MCF2L2: variants seen among roughly 807,000 people sequenced by gnomAD.
MCF2L2 encodes the protein probable guanine nucleotide exchange factor MCF2L2.
MCF2L2 carries 102 observed loss-of-function variants against 150.2 expected under a neutral mutation model. The ratio of observed to expected loss-of-function variants is 0.68; its 90% CI spans 0.58 to 0.80. The LOEUF is 0.80. Ranked by LOEUF, MCF2L2 falls within the 30% of genes least tolerant of loss-of-function variation. The pLI, the probability that MCF2L2 is intolerant of heterozygous loss-of-function variation, is 0.00. For missense variants in MCF2L2, 1,256 were observed against 1,372.8 expected (o/e 0.91, Z 1.34); for synonymous variants, 465 against 491.3 (o/e 0.95, Z 0.71).
intron 1 of MCF2L2, among the ~76,000 whole-genome samples, chr3:183,426,609 C>T (rs563836638): frequency 9.2e-5 from 14 of 152,376 alleles, no homozygotes; most frequent in Admixed American, 9.1e-4. Context: ...ACTGCTCTTT[C>T]TCTATACCAC....
intron 15 of MCF2L2, among the ~76,000 whole-genome samples, chr3:183,251,681 C>T (rs551329762): frequency 6.6e-6 from 1 of 152,218 alleles, no homozygotes; most frequent in African/African-American, 2.4e-5. Context: ...TCTTCATGCA[C>T]TCCCTCTTGA....
chr3:183,348,260 G>C (rs1730977566), intron 3 of MCF2L2, among the ~76,000 whole-genome samples: 1 of 152,086 alleles, frequency 6.6e-6, no homozygotes, highest in Non-Finnish European at 1.5e-5. Context: ...CAGGGACATG[G>C]ATGAAGCTGG....
At chr3:183,322,992 C>T (rs111854190) in intron 6 of MCF2L2, among the ~76,000 whole-genome samples, 193 of 152,220 alleles carry the variant, frequency 1.3e-3, no homozygotes, top group African/African-American at 4.5e-3. Flanking sequence ...CAGGTGCATT[C>T]GAAGGTAAGT....
At chr3:183,316,375 C>CA (rs1729605323) in intron 7 of MCF2L2, among the ~76,000 whole-genome samples, 2 of 151,526 alleles carry the variant, frequency 1.3e-5, no homozygotes, top group South Asian at 4.2e-4. Flanking sequence ...GATGGAGTCT[C>CA]ACTCTGTCAC....
chr3:183,246,589 T>C (rs761172131), intron 15 of MCF2L2, among the ~76,000 whole-genome samples: 1 of 152,228 alleles, frequency 6.6e-6, no homozygotes, highest in African/African-American at 2.4e-5. Flanking sequence ...CATTCTTCTG[T>C]TGATGAACAC....
intron 9 of MCF2L2, 119 bp downstream of exon 9, chr3:183,310,796 A>G: frequency 1.5e-6 from 1 of 668,400 alleles, no homozygotes; most frequent in East Asian, 2.7e-5. Context: ...AAGCAAGGAG[A>G]TAAGGAGAAA....
chr3:183,213,417 G>T (rs1218336121), intron 22 of MCF2L2, among the ~76,000 whole-genome samples: 1 of 151,502 alleles, frequency 6.6e-6, no homozygotes, highest in Non-Finnish European at 1.5e-5. Flanking sequence ...ATATCAGAAG[G>T]GATTTTTTTC....
chr3:183,365,552 T>A (rs1367319699), intron 3 of MCF2L2, among the ~76,000 whole-genome samples: 1 of 152,250 alleles, frequency 6.6e-6, no homozygotes, highest in Non-Finnish European at 1.5e-5. Flanking sequence ...GGTGTTCAGA[T>A]AACTGAATAG....
At chr3:183,204,520 G>T (rs983991852) in intron 25 of MCF2L2, among the ~76,000 whole-genome samples, 3 of 151,968 alleles carry the variant, frequency 2.0e-5, no homozygotes, top group African/African-American at 7.2e-5. Flanking sequence ...TGTTAGTAAG[G>T]AAATGGAGAA....
intron 15 of MCF2L2, among the ~76,000 whole-genome samples, chr3:183,252,956 C>G (rs976851583): frequency 1.3e-5 from 2 of 152,196 alleles, no homozygotes; most frequent in African/African-American, 2.4e-5. Context: ...TGTCTGGTTA[C>G]CTGCATGAAG....
chr3:183,267,977 A>G lies in MCF2L2; in HGVS notation c.1862+8895T>C, dbSNP rs1437089919. ...ATGCTGAGTGTAGGGTGTCCACAACATCGTGCCTAAAAAGTCTCTGTATGG... is the reference window on the plus strand; with the variant it reads ...ATGCTGAGTGTAGGGTGTCCACAACGTCGTGCCTAAAAAGTCTCTGTATGG... On this transcript the variant is annotated intron_variant, in intron 15 of 29. Transcript: ENST00000328913. This position sits in a 1 kb window ranked among gnomAD's most constrained non-coding sequence, Gnocchi z 5.5. Among the ~76,000 whole-genome samples the G allele has an allele frequency of 1.3e-5, 2 of 152,306 alleles. No individual in the cohort carries two copies. Among genetic ancestry groups the G allele is most frequent in the South Asian group, 4.1e-4 (2 of 4,830 alleles).
chr3:183,344,814 C>T (rs1730836722), intron 3 of MCF2L2, among the ~76,000 whole-genome samples: 1 of 151,922 alleles, frequency 6.6e-6, no homozygotes, highest in African/African-American at 2.4e-5. Context: ...CAACACAGAT[C>T]AAAAAAGACA....
intron 1 of MCF2L2, among the ~76,000 whole-genome samples, chr3:183,409,737 G>C (rs1715228187): frequency 6.6e-6 from 1 of 151,888 alleles, no homozygotes; most frequent in African/African-American, 2.4e-5. Flanking sequence ...GTATTTTGTA[G>C]TAGAGGCGAG....
intron 25 of MCF2L2, among the ~76,000 whole-genome samples, chr3:183,198,236 A>C (rs570030364): frequency 1.9e-4 from 29 of 152,362 alleles, no homozygotes; most frequent in Admixed American, 7.8e-4. Context: ...AAACAATGAA[A>C]TACTACTCAG....
chr3:183,228,086 C>T, intron 18 of MCF2L2: 1 of 463,820 alleles, frequency 2.2e-6, no homozygotes. Flanking sequence ...TTGCAGTAAT[C>T]ATTTCACAGG....
intron 14 of MCF2L2, 104 bp from the exon 15 acceptor site, chr3:183,277,061 C>A: frequency 1.4e-6 from 1 of 711,316 alleles, no homozygotes; most frequent in South Asian, 1.9e-5. Flanking sequence ...TTGAGTCTCT[C>A]GATAAGCAAA....
chr3:183,294,551 A>G (rs967210763), intron 13 of MCF2L2, among the ~76,000 whole-genome samples: 34 of 139,508 alleles, frequency 2.4e-4, no homozygotes, highest in South Asian at 4.4e-4. Flanking sequence ...ATATATATGT[A>G]TGTGTGTGTG....
At chr3:183,198,748 T>C (rs115196257) in intron 25 of MCF2L2, among the ~76,000 whole-genome samples, 3,685 of 152,202 alleles carry the variant, frequency 0.024, 67 homozygotes, top group Non-Finnish European at 0.035. Context: ...TTCAAATAAT[T>C]TGAATGCAGG....
chr3:183,194,928 C>T (rs879132221), intron 26 of MCF2L2, among the ~76,000 whole-genome samples: 4 of 151,916 alleles, frequency 2.6e-5, no homozygotes, highest in Admixed American at 1.3e-4. Flanking sequence ...ACTACAAGCA[C>T]GCCACCACCT....
Sources: gnomAD v4.1 joint callset for allele counts (sites outside exome capture counted in the v4.1 genomes callset) on GRCh38, gnomAD v4.1.1 for gene constraint, Gnocchi (gnomAD v3.1) non-coding constraint, MANE v1.5 for transcripts, NCBI Gene and HGNC (gene_info 2026-07-23, HGNC 2026-07-21) for gene names.